The following CYP51A1 variants were observed in gnomAD, a reference collection of about 807,000 sequenced individuals.
CYP51A1 encodes the protein lanosterol 14-alpha demethylase.
Under a neutral mutation model 53.5 loss-of-function variants are expected in CYP51A1, and 45 were observed. That is an observed-to-expected ratio of 0.84 (90% CI 0.66 to 1.08). CYP51A1 has a LOEUF of 1.08. Ranked by LOEUF, CYP51A1 falls within the 50% of genes least tolerant of loss-of-function variation. CYP51A1 has a pLI of 0.00. For missense variants in CYP51A1, 462 were observed against 621.7 expected, an observed-to-expected ratio of 0.74 and a Z score of 2.73; for synonymous variants, 181 against 217.7, an observed-to-expected ratio of 0.83 and a Z score of 1.48.
At chr7:92,131,749 T>TTTC (rs1554479516) in intron 2 of CYP51A1, 25 bp downstream of exon 2, 1 of 1,227,698 alleles carries the variant, frequency 8.1e-7, no homozygotes, top group Non-Finnish European at 1.2e-6. Context: ...TTTTTTTTTT[T>TTTC]CCTCTAATTA....
intron 8 of CYP51A1, chr7:92,117,439 C>A: frequency 2.7e-6 from 1 of 364,286 alleles, no homozygotes; most frequent in Non-Finnish European, 4.9e-6. Context: ...AGATAATAGG[C>A]AAACTAAAAA....
At position 92,123,834 on chromosome 7, in the gene CYP51A1, G is replaced by A. The variant is rs372185409; in HGVS notation, c.790C>T (p.Arg264Trp). Residue 264 changes from arginine to tryptophan, a missense_variant, in exon 6 of 10, where the codon CGG becomes TGG. Transcript: ENST00000003100. ...PSFRRRDRAHREIKDIFYKAI... is the reference protein window; with the variant it reads ...PSFRRRDRAHWEIKDIFYKAI... ...TTATAGAAAATATCCTTGATTTCCCGATGAGCTCTGTCCCTGCGTCTGTAA... is the reference window on the plus strand; with the variant it reads ...TTATAGAAAATATCCTTGATTTCCCAATGAGCTCTGTCCCTGCGTCTGTAA... 32 of 1,607,738 alleles carry A rather than the reference G, an allele frequency of 2.0e-5. No individual in the cohort carries two copies. Among genetic ancestry groups the A allele is most frequent in the Middle Eastern group, 1.7e-4 (1 of 5,720 alleles).
chr7:92,125,591 A>G (rs916006755), intron 5 of CYP51A1, among the ~76,000 whole-genome samples: 1 of 152,240 alleles, frequency 6.6e-6, no homozygotes, highest in African/African-American at 2.4e-5. Flanking sequence ...AAACTTCACA[A>G]TACAATAAAA....
intron 1 of CYP51A1, 75 bp downstream of exon 1, chr7:92,134,098 G>A: frequency 1.4e-6 from 2 of 1,463,940 alleles, no homozygotes; most frequent in South Asian, 2.4e-5. Flanking sequence ...CGGGGCCACG[G>A]AGCCGCCCAC....
At chr7:92,129,114 T>A in intron 2 of CYP51A1, 58 bp from the exon 3 acceptor site, 1 of 1,080,056 alleles carries the variant, frequency 9.3e-7, no homozygotes, top group Non-Finnish European at 1.3e-6. Flanking sequence ...ACTACGACAG[T>A]AACTTTTTAA....
At chr7:92,123,003 G>A in intron 7 of CYP51A1, 117 bp downstream of exon 7, 1 of 733,074 alleles carries the variant, frequency 1.4e-6, no homozygotes, top group Non-Finnish European at 2.2e-6. Flanking sequence ...GCTAAAAATA[G>A]AGAAGCTGAT....
Position 92,127,625 on chromosome 7 carries a change from A to G in CYP51A1, c.475T>C (p.Leu159=). The change falls in exon 4 of 10, where the codon TTG becomes CTG. Residue 159 remains leucine (L), a synonymous_variant. Transcript: ENST00000003100. The part of the protein sequence containing the change: ...VAYDVPNPVF[L]EQKKMLKSGL... ...CTTTTTAACATTTTCTTCTGCTCCA[A>G]GAAAACCTTCAAAAAAATTCAAAAC... 6.2e-7 allele frequency: 1 copy of G among 1,613,658 alleles called. No homozygotes were observed. The highest frequency in any genetic ancestry group is 8.5e-7 in the Non-Finnish European group (1 of 1,179,786).
At position 92,123,185 on chromosome 7, in the gene CYP51A1, T is replaced by C. The variant is rs184629573; in HGVS notation, c.1021A>G (p.Lys341Glu). Reference protein sequence around the residue: ...FFLARDKTLQKKCYLEQKTVC... With the variant: ...FFLARDKTLQEKCYLEQKTVC... Reference sequence around the variant, plus strand: ...GTTTTCTGTTCTAAATAACATTTTTTTTGAAGTGTTTTGTCTCTGGCCAAA... The same window carrying C: ...GTTTTCTGTTCTAAATAACATTTTTCTTGAAGTGTTTTGTCTCTGGCCAAA... Residue 341 changes from lysine (K) to glutamate (E), a missense_variant, in exon 7 of 10, where the codon AAA becomes GAA. Transcript: ENST00000003100. 2.5e-6 allele frequency: 4 copies of C among 1,613,984 alleles called. No individual in the cohort carries two copies. In the Admixed American group the frequency reaches 5.0e-5, roughly 20 times the overall value.
At chr7:92,134,797 G>C (rs894730589), upstream of CYP51A1, 8 of 171,690 alleles carry the variant, frequency 4.7e-5, no homozygotes, top group Non-Finnish European at 8.7e-5. Flanking sequence ...GCGACGGCGC[G>C]CTCTGTGATT....
chr7:92,118,455 C>T, intron 8 of CYP51A1, 65 bp downstream of exon 8: 2 of 897,966 alleles, frequency 2.2e-6, no homozygotes, highest in South Asian at 2.6e-5. Context: ...CCACCACACC[C>T]ACCTATTTCT....
Position 92,112,167 on chromosome 7 carries a change from AT to A in CYP51A1, c.*1497del, listed in dbSNP as rs1004602070. 1.3e-5 allele frequency: 2 copies of A among 152,210 alleles called. No individual in the cohort carries two copies. The highest frequency in any genetic ancestry group is 2.9e-5 in the Non-Finnish European group (2 of 68,018). The allele number at this position is 152,210 out of a possible 1,614,324, so 9.4% of individuals were successfully genotyped here. ...TACAGACTGTATTTTTTCAAAGAGA[AT>A]TTTAATCTGAAAAATTAGCAGAGAT... On this transcript the variant is annotated 3_prime_UTR_variant, in exon 10 of 10. Transcript: ENST00000003100.
chr7:92,115,366 A>G (rs768528847), intron 9 of CYP51A1, among the ~76,000 whole-genome samples: 1 of 152,210 alleles, frequency 6.6e-6, no homozygotes. Context: ...ACTTAGATCC[A>G]ATGACTGGTG....
intron 7 of CYP51A1, among the ~76,000 whole-genome samples, chr7:92,119,518 A>G (rs1043192091): frequency 3.3e-5 from 5 of 152,146 alleles, no homozygotes; most frequent in Admixed American, 6.5e-5. Context: ...GATGCCCACT[A>G]AAGTAAGCAA....
At chr7:92,134,663 T>G, upstream of CYP51A1, 2 of 356,566 alleles carry the variant, frequency 5.6e-6, no homozygotes, top group Non-Finnish European at 1.0e-5. Context: ...GAAGATAACT[T>G]ACCTGAAGAG....
rs1584641414 is a variant in CYP51A1 at position 92,134,456 on chromosome 7, G to A, written c.-92C>T. On this transcript the variant is annotated 5_prime_UTR_variant, in exon 1 of 10. Coordinates refer to ENST00000003100, the MANE Select transcript of CYP51A1 (RefSeq NM_000786.4). ...GCTGGCAGATGGTCGTCCACAGGGG[G>A]CCTTGCCCCAGGTCTCCTACTAAAC... is the stretch of plus-strand genomic sequence containing the variant. 9.5e-6 allele frequency: 13 copies of A among 1,371,934 alleles called. No individual in the cohort carries two copies. Among genetic ancestry groups the A allele is most frequent in the East Asian group, 5.2e-5 (2 of 38,508 alleles). 85.0% of individuals were successfully genotyped at this position (1,371,934 alleles called of 1,614,324 possible).
At chr7:92,123,539 C>T (rs955457106) in intron 6 of CYP51A1, among the ~76,000 whole-genome samples, 195 bp downstream of exon 6, 1 of 152,178 alleles carries the variant, frequency 6.6e-6, no homozygotes, top group Non-Finnish European at 1.5e-5. Context: ...AAACTTTTAC[C>T]ATACCCAGTC....
In CYP51A1 at chr7:92,117,190, G is replaced by A. The variant is rs1819596130; in HGVS notation, c.1205C>T (p.Pro402Leu). ...TPQTVAGYTI[P>L]PGHQVCVSPT... ...AGAAACACACACCTGATGTCCTGGA[G>A]GAATGGTATACCCTGCCACAGTCTA... The change falls in exon 9 of 10, where the codon CCT (proline) becomes CTT (leucine). Residue 402 changes from proline (P) to leucine (L), a missense_variant. Coordinates refer to ENST00000003100, the MANE Select transcript of CYP51A1 (RefSeq NM_000786.4). 6.2e-7 allele frequency: 1 copy of A among 1,613,864 alleles called. No homozygotes were observed. Among genetic ancestry groups the A allele is most frequent in the East Asian group, 2.2e-5 (1 of 44,864 alleles).
chr7:92,129,130 C>A, intron 2 of CYP51A1, 74 bp from the exon 3 acceptor site: 6 of 855,262 alleles, frequency 7.0e-6, no homozygotes, highest in Admixed American at 6.0e-5. Context: ...TTTAAAATCA[C>A]AAAATAATGC....
At chr7:92,134,104 C>T (rs1188716343) in intron 1 of CYP51A1, 69 bp downstream of exon 1, 34 of 1,507,352 alleles carry the variant, frequency 2.3e-5, no homozygotes, top group Admixed American at 5.3e-5. Flanking sequence ...CACGGAGCCG[C>T]CCACGCCAGC....
Sources: gnomAD v4.1 joint callset for allele counts (sites outside exome capture counted in the v4.1 genomes callset) on GRCh38, gnomAD v4.1.1 for gene constraint, MANE v1.5 for transcripts, NCBI Gene and HGNC (gene_info 2026-07-23, HGNC 2026-07-21) for gene names.